The following MAGI2 variants were observed in gnomAD, a reference collection of about 807,000 sequenced individuals.
The protein encoded by MAGI2 is membrane-associated guanylate kinase, WW and PDZ domain-containing protein 2.
In MAGI2, 35 loss-of-function variants were observed where a neutral mutation model predicts 133.3. That is an observed-to-expected ratio of 0.26 (90% CI 0.20 to 0.35). MAGI2 has a LOEUF of 0.35. MAGI2 is among the 10% of genes least tolerant of loss of function. The probability of loss-of-function intolerance (pLI) is 1.00; values close to 1 mark genes in which losing one functional copy is unlikely to be tolerated. For synonymous variants in MAGI2, 729 were observed against 710.6 expected (o/e 1.03, Z -0.41); for missense variants, 1,636 against 1,863.4 (o/e 0.88, Z 2.25).
At position 78,209,114 on chromosome 7, in the gene MAGI2, T is replaced by C. The variant is rs369871155; in HGVS notation, c.2048-7921A>G. On this transcript the variant is annotated intron_variant, in intron 10 of 21. Coordinates refer to ENST00000354212, the MANE Select transcript of MAGI2 (RefSeq NM_012301.4). ...GCGGGCGCCTGTAGTCCCAGCTACTTGGGAGGCTGAGGCAGGAGAATGGCG... is the reference window on the plus strand; with the variant it reads ...GCGGGCGCCTGTAGTCCCAGCTACTCGGGAGGCTGAGGCAGGAGAATGGCG... Among the ~76,000 whole-genome samples the C allele has an allele frequency of 4.7e-3, 501 of 107,398 alleles. 3 individuals are homozygous for C. The highest frequency in any genetic ancestry group is 0.012 in the African/African-American group (360 of 30,950). The allele number at this position is 107,398 out of a possible 152,430, so 70.5% of individuals were successfully genotyped here.
At chr7:79,027,809 A>G (rs1810049681) in intron 1 of MAGI2, among the ~76,000 whole-genome samples, 1 of 152,182 alleles carries the variant, frequency 6.6e-6, no homozygotes, top group Non-Finnish European at 1.5e-5. Context: ...TAAGTTGTCA[A>G]TATAGAATAA....
At chr7:78,904,440 A>C (rs1797845192) in intron 2 of MAGI2, among the ~76,000 whole-genome samples, 1 of 152,178 alleles carries the variant, frequency 6.6e-6, no homozygotes, top group Non-Finnish European at 1.5e-5. Context: ...ATACTGTTAG[A>C]AGATCATACA....
chr7:78,425,015 C>T (rs1799153050), intron 6 of MAGI2, among the ~76,000 whole-genome samples: 1 of 152,046 alleles, frequency 6.6e-6, no homozygotes, highest in South Asian at 2.1e-4. Context: ...AATGTGAGGA[C>T]ATGAGATTTG....
chr7:78,039,097 C>T (rs765290906), intron 21 of MAGI2, among the ~76,000 whole-genome samples: 2 of 152,056 alleles, frequency 1.3e-5, no homozygotes, highest in African/African-American at 2.4e-5. Context: ...GCCTGTTTAT[C>T]CAGGTAACAC....
At chr7:78,937,541 T>A (rs1800611441) in intron 2 of MAGI2, among the ~76,000 whole-genome samples, 1 of 152,134 alleles carries the variant, frequency 6.6e-6, no homozygotes, top group Non-Finnish European at 1.5e-5. Context: ...GAAAATGGAA[T>A]CTTTTCTGTG....
intron 2 of MAGI2, among the ~76,000 whole-genome samples, chr7:78,934,114 T>G (rs1800340227): frequency 6.6e-6 from 1 of 152,060 alleles, no homozygotes; most frequent in Non-Finnish European, 1.5e-5. Context: ...ATTTATTTAT[T>G]TATTAAGATG....
At chr7:78,485,465 T>G (rs984392205) in intron 6 of MAGI2, 3 of 151,464 alleles carry the variant, frequency 2.0e-5, no homozygotes, top group Admixed American at 2.0e-4. Context: ...GCAAAATGAT[T>G]GCTTTACTGT....
intron 1 of MAGI2, among the ~76,000 whole-genome samples, chr7:79,352,469 A>G (rs1408536893): frequency 6.6e-6 from 1 of 152,210 alleles, no homozygotes; most frequent in Non-Finnish European, 1.5e-5. Flanking sequence ...GAGGTCATGT[A>G]GCTCAGGATT....
chr7:78,401,507 C>T (rs1190473911), intron 6 of MAGI2, among the ~76,000 whole-genome samples: 2 of 152,028 alleles, frequency 1.3e-5, no homozygotes, highest in East Asian at 1.9e-4. Flanking sequence ...CTCTTGTGCC[C>T]TGTTAGTGCT....
intron 1 of MAGI2, among the ~76,000 whole-genome samples, chr7:79,060,762 G>A (rs1233008318): frequency 6.6e-6 from 1 of 152,076 alleles, no homozygotes; most frequent in Non-Finnish European, 1.5e-5. Flanking sequence ...GCCTTGCTGT[G>A]TTTCCCACCT....
chr7:78,652,975 G>T (rs1183182070), intron 2 of MAGI2, among the ~76,000 whole-genome samples: 1 of 151,684 alleles, frequency 6.6e-6, no homozygotes, highest in African/African-American at 2.4e-5. Context: ...GTGGGCAAAG[G>T]ATATGAACAG....
In MAGI2 at chr7:79,274,563, C is replaced by CAT. The variant is rs1318439089; in HGVS notation, c.301+178455_301+178456dup. Among the ~76,000 whole-genome samples the CAT allele has an allele frequency of 5.6e-5, 8 of 143,698 alleles. No homozygotes were observed. The East Asian group carries it at 1.6e-3, about 29-fold the overall frequency. 94.3% of individuals were successfully genotyped at this position (143,698 alleles called of 152,430 possible). ...AATGACATCATTACAAACAGGGATC[C>CAT]ATATATATATTATATTATATATTTT... On this transcript the variant is annotated intron_variant, in intron 1 of 21. Coordinates refer to ENST00000354212, the MANE Select transcript of MAGI2 (RefSeq NM_012301.4).
chr7:78,675,592 C>T (rs554626541), intron 2 of MAGI2, among the ~76,000 whole-genome samples: 254 of 152,128 alleles, frequency 1.7e-3, no homozygotes, highest in Non-Finnish European at 2.7e-3. Context: ...GGCTTTGCTC[C>T]GGATTCTATT....
At chr7:78,334,907 G>C (rs1373427698) in intron 9 of MAGI2, among the ~76,000 whole-genome samples, 1 of 152,166 alleles carries the variant, frequency 6.6e-6, no homozygotes, top group Non-Finnish European at 1.5e-5. Flanking sequence ...AGGCATGAGA[G>C]CAGAGGTATC....
chr7:79,033,111 G>C (rs957394254), intron 1 of MAGI2, among the ~76,000 whole-genome samples: 2 of 152,168 alleles, frequency 1.3e-5, no homozygotes, highest in African/African-American at 4.8e-5. Context: ...TCTATCTATG[G>C]AACTCTTCTT....
chr7:78,068,737 T>A (rs1442889474), intron 21 of MAGI2, among the ~76,000 whole-genome samples: 1 of 152,210 alleles, frequency 6.6e-6, no homozygotes, highest in Non-Finnish European at 1.5e-5. Flanking sequence ...GCAGTAGGCA[T>A]GGGCCTGGCT....
In MAGI2 at chr7:79,186,244, T is replaced by TA. The variant is rs1827127237; in HGVS notation, c.302-179039_302-179038insT. ...TATATATATATATATATATATATAT[T>TA]TATATTTATTTATTTATAAACTACA... On this transcript the variant is annotated intron_variant, in intron 1 of 21. Transcript: ENST00000354212. 6.5e-5 allele frequency among the ~76,000 whole-genome samples: 7 copies of TA among 108,244 alleles called. No individual in the cohort carries two copies. The South Asian group carries it at 1.2e-3, about 18-fold the overall frequency. 71.0% of individuals were successfully genotyped at this position (108,244 alleles called of 152,430 possible).
intron 1 of MAGI2, among the ~76,000 whole-genome samples, chr7:79,362,189 C>T (rs1272122598): frequency 2.6e-5 from 4 of 151,518 alleles, no homozygotes; most frequent in East Asian, 3.9e-4. Flanking sequence ...AAATAATAGG[C>T]GATATCACCA....
At chr7:79,127,585 C>A (rs1265355544) in intron 1 of MAGI2, among the ~76,000 whole-genome samples, 2 of 152,194 alleles carry the variant, frequency 1.3e-5, no homozygotes, top group African/African-American at 4.8e-5. Context: ...TTTTTGGCTG[C>A]ATAAATGTCT....
Sources: gnomAD v4.1 joint callset for allele counts (sites outside exome capture counted in the v4.1 genomes callset) on GRCh38, gnomAD v4.1.1 for gene constraint, MANE v1.5 for transcripts, NCBI Gene and HGNC (gene_info 2026-07-23, HGNC 2026-07-21) for gene names.